Variants in APC observed in about 807,000 individuals in gnomAD.
APC encodes adenomatous polyposis coli protein.
A neutral mutation model predicts 247.0 loss-of-function variants in APC; 72 were observed. The ratio of observed to expected loss-of-function variants is 0.29; its 90% confidence interval spans 0.24 to 0.35. The LOEUF (loss-of-function observed/expected upper bound fraction) is 0.35. Among genes scored for constraint, APC ranks in the 10% least tolerant of loss-of-function variants. The probability of loss-of-function intolerance (pLI) is 1.00; values close to 1 mark genes in which losing one functional copy is unlikely to be tolerated. For synonymous variants in APC, 1,254 were observed against 1,162.5 expected, an observed-to-expected ratio of 1.08 and a Z score of -1.60; for missense variants, 3,400 against 3,360.7, an observed-to-expected ratio of 1.01 and a Z score of -0.29.
At chr5:112,827,032 A>C in intron 11 of APC, 76 bp from the exon 12 acceptor site, 1 of 1,471,732 alleles carries the variant, frequency 6.8e-7, no homozygotes, top group Non-Finnish European at 9.4e-7. Context: ...TTTTCCTAGT[A>C]TTTAAGTTAC....
intron 8 of APC, among the ~76,000 whole-genome samples, chr5:112,804,920 G>A (rs1303829916): frequency 1.3e-5 from 2 of 152,164 alleles, no homozygotes; most frequent in African/African-American, 2.4e-5. Context: ...GGTCAAGGCT[G>A]CAGTGGGCTA....
rs539794401 is a variant in APC, at chr5:112,741,605, A to T, written c.-19+3680A>T. Among the ~76,000 whole-genome samples the T allele has an allele frequency of 7.5e-4, 114 of 152,326 alleles. 1 individual carries two copies. Among genetic ancestry groups the T allele is most frequent in the Middle Eastern group, 3.4e-3 (1 of 294 alleles). On this transcript the variant is annotated intron_variant, in intron 1 of 15. Transcript: ENST00000257430. ...TTACAGTTAATGAGATTTTTAAAAA[A>T]ATTTTATTGTGATAAATATACATAA...
chr5:112,788,619 T>C (rs1759238283), intron 6 of APC, among the ~76,000 whole-genome samples: 1 of 152,188 alleles, frequency 6.6e-6, no homozygotes, highest in Non-Finnish European at 1.5e-5. Flanking sequence ...TTTATATCTC[T>C]CTATTCATTT....
chr5:112,750,660 A>C (rs921482057), intron 1 of APC, among the ~76,000 whole-genome samples: 1 of 152,162 alleles, frequency 6.6e-6, no homozygotes, highest in African/African-American at 2.4e-5. Context: ...AATCTCCTTT[A>C]TTACTCCTAG....
intron 1 of APC, among the ~76,000 whole-genome samples, chr5:112,725,857 C>A (rs1232903685): frequency 7.2e-5 from 11 of 152,204 alleles, no homozygotes; most frequent in Admixed American, 1.3e-4. Context: ...AAATAGCAGA[C>A]CTTCTTCAGA....
At chr5:112,771,511 T>C (rs1310775869) in intron 4 of APC, among the ~76,000 whole-genome samples, 12 of 152,154 alleles carry the variant, frequency 7.9e-5, no homozygotes, top group Non-Finnish European at 1.6e-4. Context: ...AGTATACTTA[T>C]TTTGCTCTCA....
chr5:112,709,624 G>A (rs1284865016), intron 1 of APC, among the ~76,000 whole-genome samples: 1 of 152,190 alleles, frequency 6.6e-6, no homozygotes, highest in Non-Finnish European at 1.5e-5. Flanking sequence ...CTTTGGCAGG[G>A]TGTGGTGGCT....
intron 11 of APC, among the ~76,000 whole-genome samples, chr5:112,825,041 A>G (rs1012905939): frequency 2.6e-5 from 4 of 152,202 alleles, no homozygotes; most frequent in Non-Finnish European, 5.9e-5. Flanking sequence ...CAACTGTCAC[A>G]AACTGAATTC....
At chr5:112,818,844 TGG>T in intron 9 of APC, 120 bp from the exon 10 acceptor site, 1 of 842,630 alleles carries the variant, frequency 1.2e-6, no homozygotes. Flanking sequence ...GTTTTTTTTT[TGG>T]CGGGGGGGGT....
At chr5:112,774,877 T>C (rs1265313357) in intron 4 of APC, among the ~76,000 whole-genome samples, 1 of 152,214 alleles carries the variant, frequency 6.6e-6, no homozygotes, top group Non-Finnish European at 1.5e-5. Context: ...TATGCACATA[T>C]GTCCTTGTAT....
chr5:112,789,645 A>T lies in APC; in HGVS notation c.646-2801A>T, dbSNP rs541621610. ...GGAGCTAATTATATAGAAACTGATT[A>T]TATAGAAAAGGAGGAAACAATCAAA... On this transcript the variant is annotated intron_variant, in intron 6 of 15. Transcript: ENST00000257430. Among the ~76,000 whole-genome samples the T allele has an allele frequency of 3.3e-5, 5 of 152,296 alleles. No individual in the cohort carries two copies. The South Asian group carries it at 1.0e-3, about 32-fold the overall frequency.
intron 1 of APC, 96 bp from the exon 2 acceptor site, chr5:112,754,777 G>T: frequency 8.7e-7 from 1 of 1,149,894 alleles, no homozygotes; most frequent in Non-Finnish European, 1.3e-6. Context: ...CTTCTTAAAC[G>T]TCTTAAGAGT....
intron 11 of APC, among the ~76,000 whole-genome samples, chr5:112,823,924 G>C (rs912361088): frequency 6.6e-6 from 1 of 152,288 alleles, no homozygotes; most frequent in African/African-American, 2.4e-5. Context: ...AAGTGGCCTG[G>C]CTGATTCTTA....
intron 11 of APC, among the ~76,000 whole-genome samples, chr5:112,822,527 A>G (rs1252520881): frequency 6.6e-6 from 1 of 152,234 alleles, no homozygotes; most frequent in Non-Finnish European, 1.5e-5. Context: ...GAAACATTTC[A>G]TTATAACTTT....
At chr5:112,786,886 C>CTTTTTTTTTTTT (rs1171592849) in intron 6 of APC, among the ~76,000 whole-genome samples, 16 of 118,096 alleles carry the variant, frequency 1.4e-4, no homozygotes, top group South Asian at 2.9e-4. Flanking sequence ...TTTTCTTTTT[C>CTTTTTTTTTTTT]TTTTTTTTTT....
rs2149899378 is a variant in APC at position 112,839,399 on chromosome 5, A to G, written c.3805A>G (p.Ile1269Val). The change falls in exon 16 of 16, where the codon ATA (isoleucine) becomes GTA (valine). Residue 1269 changes from isoleucine (I) to valine (V), a missense_variant. This residue lies in a region of APC where 715 missense variants were observed against 656.6 expected (regional missense o/e 1.09). Coordinates refer to ENST00000257430, the MANE Select transcript of APC (RefSeq NM_000038.6). This position sits in a 1 kb window ranked among gnomAD's most constrained non-coding sequence, Gnocchi z 5.0. ...IQTYCVEDTP[I>V]CFSRCSSLSS... ...GACTTATTGTGTAGAAGATACTCCA[A>G]TATGTTTTTCAAGATGTAGTTCATT... 6.2e-7 allele frequency: 1 copy of G among 1,614,192 alleles called. No individual in the cohort carries two copies. The highest frequency in any genetic ancestry group is 8.5e-7 in the Non-Finnish European group (1 of 1,180,012).
Position 112,843,423 on chromosome 5 carries a change from G to T in APC, c.7829G>T (p.Gly2610Val), listed in dbSNP as rs1561618546. The change falls in exon 16 of 16, where the codon GGA (glycine) becomes GTA (valine). Residue 2610 changes from glycine (G) to valine (V), a missense_variant. Gly to Val is a moderately radical substitution (Grantham distance 109). Coordinates refer to ENST00000257430, the MANE Select transcript of APC (RefSeq NM_000038.6). The surrounding 1 kb of genome is among the most constrained non-coding windows in gnomAD (Gnocchi z 4.8). ...QSKENQVSAK[G>V]TWRKIKENEF... ...AAAGAAAACCAAGTATCCGCAAAAG[G>T]AACATGGAGAAAAATAAAAGAAAAT... 1.2e-6 allele frequency: 2 copies of T among 1,613,162 alleles called. No homozygotes were observed. Among genetic ancestry groups the T allele is most frequent in the Non-Finnish European group, 1.7e-6 (2 of 1,179,350 alleles).
rs1561584535 is a variant in APC, at chr5:112,838,995, A to G, written c.3401A>G (p.Asp1134Gly). The G allele has an allele frequency of 6.2e-7, 1 of 1,614,142 alleles. No individual in the cohort carries two copies. Among genetic ancestry groups the G allele is most frequent in the South Asian group, 1.1e-5 (1 of 91,082 alleles). ...NVSQSLCQEDDYEDDKPTNYS... is the reference protein window; with the variant it reads ...NVSQSLCQEDGYEDDKPTNYS... ...AGCCAGTCTTTGTGTCAAGAAGATG[A>G]CTATGAAGATGATAAGCCTACCAAT... The change falls in exon 16 of 16, where the codon GAC (aspartate) becomes GGC (glycine). Residue 1134 changes from aspartate (D) to glycine (G), a missense_variant. Asp to Gly is a moderately conservative substitution (Grantham distance 94). Coordinates refer to ENST00000257430, the MANE Select transcript of APC (RefSeq NM_000038.6).
In APC at chr5:112,801,315, G is replaced by A. The variant is rs759392382; in HGVS notation, c.766G>A (p.Asp256Asn). ...GAACAAGCATGAAACCGGCTCACAT[G>A]ATGCTGAGCGGCAGAATGAAGGTCA... ...SQNKHETGSH[D>N]AERQNEGQGV... is the part of the protein sequence containing the mutation. Residue 256 changes from aspartate (D) to asparagine (N), a missense_variant, in exon 8 of 16, where the codon GAT becomes AAT. Physicochemically the swap from Asp to Asn is conservative, Grantham distance 23. Transcript: ENST00000257430. 1 of 1,613,066 alleles carries A rather than the reference G, an allele frequency of 6.2e-7. No individual in the cohort carries two copies. Among genetic ancestry groups the A allele is most frequent in the South Asian group, 1.1e-5 (1 of 91,030 alleles).
Sources: gnomAD v4.1 joint callset for allele counts (sites outside exome capture counted in the v4.1 genomes callset) on GRCh38, gnomAD v4.1.1 for gene constraint, gnomAD v4.1.1 regional missense constraint, Gnocchi (gnomAD v3.1) non-coding constraint, MANE v1.5 for transcripts, NCBI Gene and HGNC (gene_info 2026-07-23, HGNC 2026-07-21) for gene names.